GDAP1: variants seen among roughly 807,000 people sequenced by gnomAD.
GDAP1 encodes the protein ganglioside-induced differentiation-associated protein 1.
A neutral mutation model predicts 40.1 loss-of-function variants in GDAP1; 34 were observed. That is an observed-to-expected ratio of 0.85 (90% confidence interval 0.64 to 1.13). The LOEUF is 1.13. GDAP1 is among the 50% of genes most tolerant of loss of function. The pLI, the probability that GDAP1 is intolerant of heterozygous loss-of-function variation, is 0.00. For missense variants in GDAP1, 374 were observed against 433.7 expected (o/e 0.86, Z 1.22); for synonymous variants, 170 against 157.4 (o/e 1.08, Z -0.60).
intron 2 of GDAP1, among the ~76,000 whole-genome samples, chr8:74,471,558 A>C (rs1339143722): frequency 6.6e-6 from 1 of 151,802 alleles, no homozygotes; most frequent in Non-Finnish European, 1.5e-5. Context: ...TTTTTCATTG[A>C]CTTTTTAAAA....
intron 2 of GDAP1, among the ~76,000 whole-genome samples, chr8:74,411,202 T>C (rs573068867): frequency 1.4e-4 from 21 of 150,220 alleles, no homozygotes; most frequent in Middle Eastern, 3.4e-3. Flanking sequence ...TAAACCTCTT[T>C]CCTTTATAAA....
At chr8:74,439,333 G>T (rs1413336768) in intron 2 of GDAP1, among the ~76,000 whole-genome samples, 1 of 151,944 alleles carries the variant, frequency 6.6e-6, no homozygotes, top group Non-Finnish European at 1.5e-5. Flanking sequence ...ACCTGTGGAA[G>T]ACCAATTAAT....
intron 2 of GDAP1, among the ~76,000 whole-genome samples, chr8:74,482,047 G>A (rs1013869706): frequency 6.7e-6 from 1 of 149,878 alleles, no homozygotes. Context: ...GGAGCAGTAC[G>A]GTGGTGAAGG....
At chr8:74,408,718 A>C (rs1396416043) in intron 2 of GDAP1, among the ~76,000 whole-genome samples, 1 of 149,994 alleles carries the variant, frequency 6.7e-6, no homozygotes, top group Non-Finnish European at 1.5e-5. Context: ...GAAAGAGTAG[A>C]ATGTGGCACC....
At chr8:74,392,043 T>C (rs931203338) in intron 2 of GDAP1, among the ~76,000 whole-genome samples, 1 of 152,154 alleles carries the variant, frequency 6.6e-6, no homozygotes, top group Non-Finnish European at 1.5e-5. Context: ...GGTCTCGAAC[T>C]CCCGACCTCA....
intron 2 of GDAP1, among the ~76,000 whole-genome samples, chr8:74,354,042 T>C (rs1030745570): frequency 2.6e-5 from 4 of 152,180 alleles, no homozygotes; most frequent in African/African-American, 7.2e-5. Flanking sequence ...TTACGTTACA[T>C]ATACCCTTGT....
chr8:74,375,876 G>T (rs894302988), intron 2 of GDAP1, among the ~76,000 whole-genome samples: 14 of 152,090 alleles, frequency 9.2e-5, no homozygotes, highest in Admixed American at 6.5e-5. Context: ...TTTTCCTAAG[G>T]AATCTTCTAA....
chr8:74,370,415 G>A (rs1387989540), downstream of GDAP1, among the ~76,000 whole-genome samples: 1 of 152,208 alleles, frequency 6.6e-6, no homozygotes, highest in Non-Finnish European at 1.5e-5. Flanking sequence ...AAAGTATCAA[G>A]TGGGAAGTGT....
At chr8:74,379,015 G>A (rs964232302) in intron 2 of GDAP1, among the ~76,000 whole-genome samples, 4 of 152,182 alleles carry the variant, frequency 2.6e-5, no homozygotes, top group Admixed American at 6.5e-5. Context: ...GTGAGCCCTG[G>A]GAGGGCATGT....
chr8:74,422,277 CTT>C (rs1251271695), intron 2 of GDAP1, among the ~76,000 whole-genome samples: 2 of 103,092 alleles, frequency 1.9e-5, no homozygotes, highest in African/African-American at 7.1e-5. Context: ...CTTTTCTTTT[CTT>C]TTTTCTTTTC....
downstream of GDAP1, among the ~76,000 whole-genome samples, chr8:74,369,425 A>C (rs946709483): frequency 6.6e-6 from 1 of 152,226 alleles, no homozygotes; most frequent in African/African-American, 2.4e-5. Context: ...AATTAAAACC[A>C]TTAAAAGAAA....
chr8:74,401,458 A>AT (rs1037320496), intron 2 of GDAP1, among the ~76,000 whole-genome samples: 15 of 148,510 alleles, frequency 1.0e-4, no homozygotes, highest in Admixed American at 3.3e-4. Context: ...ATTCGTCTCT[A>AT]TTTTTTTCAA....
In GDAP1 at chr8:74,365,125, G is replaced by A. The variant is rs1402369463; in HGVS notation, c.*758G>A. The A allele has an allele frequency of 6.6e-6, 3 of 454,092 alleles. No individual in the cohort carries two copies. The highest frequency in any genetic ancestry group is 2.3e-5 in the Admixed American group (1 of 42,578). The allele number at this position is 454,092 out of a possible 1,614,324, so 28.1% of individuals were successfully genotyped here. A position where few individuals can be genotyped will look rare whatever the true frequency, so the allele number is the denominator to read the frequency against. On this transcript the variant is annotated 3_prime_UTR_variant, in exon 6 of 6. Coordinates refer to ENST00000220822, the MANE Select transcript of GDAP1 (RefSeq NM_018972.4). The stretch of plus-strand genomic sequence containing the variant: ...GTAGCCCTCTTCATACACATAAGTG[G>A]CATTTAGGTGAATGTCCCAGCTAAT...
chr8:74,350,943 T>A (rs971838349), intron 1 of GDAP1, among the ~76,000 whole-genome samples: 9 of 152,354 alleles, frequency 5.9e-5, no homozygotes, highest in African/African-American at 2.2e-4. Context: ...TTCACTGTCT[T>A]CAGCAAGAGC....
At chr8:74,372,844 G>C (rs62524068) in intron 2 of GDAP1, among the ~76,000 whole-genome samples, 45,593 of 151,958 alleles carry the variant, frequency 0.3, 7,049 homozygotes, top group Non-Finnish European at 0.34. Context: ...CCTTGCCCAT[G>C]CCTATGTCCT....
chr8:74,359,989 T>C (rs1260883138), intron 2 of GDAP1, 148 bp from the exon 3 acceptor site: 4 of 538,744 alleles, frequency 7.4e-6, no homozygotes, highest in African/African-American at 1.3e-4. Flanking sequence ...AAACTTTGAA[T>C]GAATGTCTGA....
chr8:74,403,661 G>A (rs1047423753), intron 2 of GDAP1, among the ~76,000 whole-genome samples: 1 of 150,158 alleles, frequency 6.7e-6, no homozygotes, highest in African/African-American at 2.5e-5. Flanking sequence ...AAGACATTTG[G>A]GCAGATTTCT....
At chr8:74,392,035 T>A (rs1044723525) in intron 2 of GDAP1, among the ~76,000 whole-genome samples, 4 of 152,164 alleles carry the variant, frequency 2.6e-5, no homozygotes, top group African/African-American at 9.7e-5. Flanking sequence ...GTCAGGCTGG[T>A]CTCGAACTCC....
chr8:74,444,250 A>T (rs1024455835), intron 2 of GDAP1, among the ~76,000 whole-genome samples: 5 of 141,984 alleles, frequency 3.5e-5, no homozygotes, highest in Admixed American at 2.1e-4. Flanking sequence ...ACACACACAC[A>T]CTTCCCTTTT....
Sources: allele counts gnomAD v4.1 joint callset (sites outside exome capture counted in the v4.1 genomes callset), GRCh38; gene constraint gnomAD v4.1.1; transcripts MANE v1.5; gene names NCBI Gene and HGNC (gene_info 2026-07-23, HGNC 2026-07-21).